ESR1: variants seen among roughly 807,000 people sequenced by gnomAD.
The protein encoded by ESR1 is estrogen receptor.
A neutral mutation model predicts 52.7 loss-of-function variants in ESR1; 12 were observed. That is an observed-to-expected ratio of 0.23 (90% CI 0.15 to 0.37). ESR1 has a LOEUF of 0.37. Among genes scored for constraint, ESR1 ranks in the 10% least tolerant of loss-of-function variants. The pLI is 1.00. For synonymous variants in ESR1, 305 were observed against 316.8 expected (o/e 0.96, Z 0.39); for missense variants, 584 against 779.7 (o/e 0.75, Z 2.99).
At chr6:152,115,969 T>G (rs959179469) in intron 6 of ESR1, among the ~76,000 whole-genome samples, 5 of 152,104 alleles carry the variant, frequency 3.3e-5, no homozygotes, top group Admixed American at 6.5e-5. Flanking sequence ...TGGCCTGGGG[T>G]TCTACATTTT....
At chr6:152,000,007 G>T (rs1263866514) in intron 4 of ESR1, among the ~76,000 whole-genome samples, 2 of 151,978 alleles carry the variant, frequency 1.3e-5, no homozygotes, top group African/African-American at 4.8e-5. Context: ...GGTAAGTAGA[G>T]AATTTGCTAT....
chr6:151,794,842 T>G (rs1431129957), intron 2 of ESR1, among the ~76,000 whole-genome samples: 2 of 152,186 alleles, frequency 1.3e-5, no homozygotes, highest in Non-Finnish European at 2.9e-5. Flanking sequence ...TTGTACCAAA[T>G]TTCAATGATG....
At chr6:151,829,764 A>C (rs1312901007) in intron 1 of ESR1, among the ~76,000 whole-genome samples, 1 of 152,206 alleles carries the variant, frequency 6.6e-6, no homozygotes, top group African/African-American at 2.4e-5. Flanking sequence ...CTCATTTTAC[A>C]GATGAAGAAA....
At chr6:151,696,823 C>G (rs1293935) in intron 1 of ESR1, among the ~76,000 whole-genome samples, 63,125 of 151,928 alleles carry the variant, frequency 0.42, 13,396 homozygotes, top group African/African-American at 0.44. Context: ...GAAGTGTAAA[C>G]AGAAGAAGGT....
rs138429868 is a variant in ESR1 at position 151,786,126 on chromosome 6, G to T, written c.-70-21717G>T. 2.1e-3 allele frequency among the ~76,000 whole-genome samples: 324 copies of T among 152,148 alleles called. 4 individuals carry two copies. Among genetic ancestry groups the T allele is most frequent in the African/African-American group, 7.5e-3 (312 of 41,514 alleles). ...AGGGCTGCCTGGCTTGTCTGCACAG[G>T]GTGCTCACAGTACTCCTGACTTTGA... On this transcript the variant is annotated intron_variant, in intron 2 of 2. Coordinates refer to the ESR1 transcript ENST00000404742.
intron 4 of ESR1, among the ~76,000 whole-genome samples, chr6:151,961,070 T>G (rs1266868150): frequency 1.3e-5 from 2 of 152,148 alleles, no homozygotes; most frequent in Admixed American, 6.5e-5. Flanking sequence ...TATGTTGAAT[T>G]TGAGATGTTT....
At chr6:151,843,976 T>C (rs1784706435) in intron 2 of ESR1, among the ~76,000 whole-genome samples, 1 of 151,948 alleles carries the variant, frequency 6.6e-6, no homozygotes. Context: ...ACATGGTCTA[T>C]TTTAAAAGCA....
At chr6:151,946,418 GTTGAAGAA>G (rs1305555279) in intron 4 of ESR1, among the ~76,000 whole-genome samples, 1 of 152,272 alleles carries the variant, frequency 6.6e-6, no homozygotes, top group East Asian at 1.9e-4. Flanking sequence ...ATTACCAGTG[GTTGAAGAA>G]TTCACATCAA....
chr6:151,762,220 G>A (rs149925586), intron 2 of ESR1, among the ~76,000 whole-genome samples: 151 of 152,232 alleles, frequency 9.9e-4, no homozygotes, highest in Middle Eastern at 3.4e-3. Context: ...TTCTGACACC[G>A]TTATCTATTC....
At chr6:151,790,032 C>T (rs1049357508) in intron 2 of ESR1, among the ~76,000 whole-genome samples, 1 of 152,172 alleles carries the variant, frequency 6.6e-6, no homozygotes, top group African/African-American at 2.4e-5. Flanking sequence ...CTTCGGATAA[C>T]CCCCATGCTC....
intron 2 of ESR1, among the ~76,000 whole-genome samples, chr6:151,787,193 T>C (rs1265787397): frequency 6.6e-6 from 1 of 152,184 alleles, no homozygotes; most frequent in East Asian, 1.9e-4. Flanking sequence ...TTCTGTTCCA[T>C]CAGTCTATGT....
chr6:151,679,930 A>G (rs1248496137), intron 1 of ESR1, among the ~76,000 whole-genome samples: 3 of 152,212 alleles, frequency 2.0e-5, no homozygotes, highest in South Asian at 2.1e-4. Flanking sequence ...CACCTGGCTT[A>G]TAAGTCCAGT....
intron 3 of ESR1, among the ~76,000 whole-genome samples, chr6:151,934,068 GC>G (rs914712229): frequency 1.3e-5 from 2 of 152,182 alleles, no homozygotes; most frequent in Non-Finnish European, 2.9e-5. Context: ...AGCTGGCATG[GC>G]CCTGTGGGAT....
intron 1 of ESR1, among the ~76,000 whole-genome samples, chr6:151,673,302 C>A (rs1245553710): frequency 3.3e-5 from 5 of 152,154 alleles, no homozygotes; most frequent in East Asian, 1.9e-4. Context: ...AGTTCTTGGA[C>A]TTCTAAATAG....
intron 3 of ESR1, among the ~76,000 whole-genome samples, chr6:151,907,761 A>G (rs1466314519): frequency 6.6e-6 from 1 of 152,170 alleles, no homozygotes. Flanking sequence ...CTGGGCCAAA[A>G]GATAGGTACT....
At chr6:151,703,760 C>T (rs1582947206) in intron 2 of ESR1, among the ~76,000 whole-genome samples, 1 of 152,222 alleles carries the variant, frequency 6.6e-6, no homozygotes, top group African/African-American at 2.4e-5. Context: ...TCAGCATATA[C>T]CTCCCTTTCT....
At chr6:151,997,639 G>T (rs2128733240) in intron 4 of ESR1, among the ~76,000 whole-genome samples, 1 of 152,210 alleles carries the variant, frequency 6.6e-6, no homozygotes, top group East Asian at 1.9e-4. Context: ...ATAGATCCAA[G>T]AACCTAGGTA....
chr6:151,666,448 G>C (rs1055602537), intron 1 of ESR1, among the ~76,000 whole-genome samples: 2 of 152,284 alleles, frequency 1.3e-5, no homozygotes, highest in Non-Finnish European at 2.9e-5. Flanking sequence ...TCAGGTTCCT[G>C]GTGAGTAAGA....
intron 4 of ESR1, among the ~76,000 whole-genome samples, chr6:152,003,741 T>C (rs909173869): frequency 2.0e-5 from 3 of 151,930 alleles, no homozygotes; most frequent in Non-Finnish European, 2.9e-5. Flanking sequence ...CTCCCCTTTG[T>C]CAAAGATACA....
Sources: allele counts gnomAD v4.1 joint callset (sites outside exome capture counted in the v4.1 genomes callset), GRCh38; gene constraint gnomAD v4.1.1; transcripts MANE v1.5; gene names NCBI Gene and HGNC (gene_info 2026-07-23, HGNC 2026-07-21).